Variants in TMEM168 observed in about 807,000 individuals in gnomAD.
TMEM168 encodes the protein transmembrane protein 168.
TMEM168 carries 40 observed loss-of-function variants against 53.2 expected under a neutral mutation model. That is an observed-to-expected ratio of 0.75 (90% CI 0.58 to 0.98). TMEM168 has a LOEUF of 0.98. Ranked by LOEUF, TMEM168 falls within the 50% of genes least tolerant of loss-of-function variation. TMEM168 has a pLI of 0.00. For missense variants in TMEM168, 771 were observed against 828.8 expected, an observed-to-expected ratio of 0.93 and a Z score of 0.86; for synonymous variants, 282 against 293.0, an observed-to-expected ratio of 0.96 and a Z score of 0.38.
At chr7:112,788,094 C>G (rs915598929) in intron 1 of TMEM168, among the ~76,000 whole-genome samples, 1 of 152,108 alleles carries the variant, frequency 6.6e-6, no homozygotes, top group Admixed American at 6.5e-5. Flanking sequence ...CAAACCATTC[C>G]TTTTTGCAGG....
At chr7:112,775,396 ATTT>A in intron 2 of TMEM168, 78 bp from the exon 3 acceptor site, 1 of 1,248,216 alleles carries the variant, frequency 8.0e-7, no homozygotes, top group South Asian at 1.9e-5. Context: ...ATTGATTCAC[ATTT>A]TTTAGCTTCT....
At chr7:112,778,186 C>G (rs943761825) in intron 2 of TMEM168, 1 of 152,160 alleles carries the variant, frequency 6.6e-6, no homozygotes, top group African/African-American at 2.4e-5. Flanking sequence ...CCACCCTCTT[C>G]TTTCAGTGTG....
intron 2 of TMEM168, among the ~76,000 whole-genome samples, chr7:112,777,718 T>C (rs1003905936): frequency 6.6e-6 from 1 of 152,174 alleles, no homozygotes; most frequent in Non-Finnish European, 1.5e-5. Context: ...ATTTAGTTCT[T>C]TGTAAAATCT....
intron 1 of TMEM168, among the ~76,000 whole-genome samples, chr7:112,787,388 G>T (rs1793412272): frequency 6.6e-6 from 1 of 151,780 alleles, no homozygotes; most frequent in Non-Finnish European, 1.5e-5. Context: ...TTTGGGGGGA[G>T]GGGGAAGGGG....
chr7:112,780,943 C>CAAAAAAAAAAAAAAAAAAAAAA (rs1222902089), intron 2 of TMEM168, among the ~76,000 whole-genome samples: 2 of 60,020 alleles, frequency 3.3e-5, no homozygotes, highest in African/African-American at 5.5e-5. Context: ...TGATCCGTAT[C>CAAAAAAAAAAAAAAAAAAAAAA]AAAAAAAAAA....
intron 2 of TMEM168, 54 bp from the exon 3 acceptor site, chr7:112,775,372 T>A: frequency 7.0e-7 from 1 of 1,424,740 alleles, no homozygotes. Flanking sequence ...GTGTATATAT[T>A]TACATGCATG....
Position 112,767,217 on chromosome 7 carries a change from A to T in TMEM168, c.2074T>A (p.Phe692Ile). The T allele has an allele frequency of 6.2e-7, 1 of 1,611,950 alleles. No individual in the cohort carries two copies. The highest frequency in any genetic ancestry group is 8.5e-7 in the Non-Finnish European group (1 of 1,179,152). The change falls in exon 5 of 5, where the codon TTC (phenylalanine) becomes ATC (isoleucine). Residue 692 changes from phenylalanine (F) to isoleucine (I), a missense_variant. Physicochemically the swap from Phe to Ile is conservative, Grantham distance 21 (BLOSUM62 0). Transcript: ENST00000312814. ...CCAAATTAAGATTTGACAAGTTTGA[A>T]GCCTTGTCCTGTGTCCAGCACAGTA... ...LPTVLDTGQGFKLVKS is the reference protein window; with the variant it reads ...LPTVLDTGQGIKLVKS
At chr7:112,785,413 A>G (rs1793351826) in intron 1 of TMEM168, among the ~76,000 whole-genome samples, 3 of 152,212 alleles carry the variant, frequency 2.0e-5, no homozygotes, top group African/African-American at 7.2e-5. Flanking sequence ...CGACCTGCCA[A>G]ATATCCCCTA....
At chr7:112,783,418 C>A (rs1403578934) in intron 2 of TMEM168, among the ~76,000 whole-genome samples, 1 of 152,142 alleles carries the variant, frequency 6.6e-6, no homozygotes, top group Non-Finnish European at 1.5e-5. Flanking sequence ...TGTTAGTATT[C>A]TAAGACTCTT....
chr7:112,788,378 A>T (rs1285273800), intron 1 of TMEM168: 1 of 152,246 alleles, frequency 6.6e-6, no homozygotes, highest in Non-Finnish European at 1.5e-5. Context: ...ATACCTGGAA[A>T]CAAAGTAAAT....
chr7:112,769,379 G>T (rs903253352), intron 4 of TMEM168, among the ~76,000 whole-genome samples: 1 of 151,994 alleles, frequency 6.6e-6, no homozygotes, highest in Admixed American at 6.6e-5. Flanking sequence ...CTCCATTATT[G>T]TCAGCTCTAT....
At chr7:112,789,963 G>A (rs1013049540) in intron 1 of TMEM168, among the ~76,000 whole-genome samples, 197 bp downstream of exon 1, 3 of 152,200 alleles carry the variant, frequency 2.0e-5, no homozygotes, top group African/African-American at 7.2e-5. Flanking sequence ...CAGTTGAGGG[G>A]GAACCCTTGC....
intron 2 of TMEM168, among the ~76,000 whole-genome samples, chr7:112,782,046 C>A (rs1420533424): frequency 6.6e-6 from 1 of 152,132 alleles, no homozygotes; most frequent in Non-Finnish European, 1.5e-5. Context: ...AGACAAATAA[C>A]CTCAGCTTTA....
At position 112,767,518 on chromosome 7, in the gene TMEM168, G is replaced by C. The variant is rs769231642; in HGVS notation, c.1773C>G (p.Asp591Glu). Reference protein sequence around the residue: ...DPPQLGDFTKDWVEYNCNSSN... With the variant: ...DPPQLGDFTKEWVEYNCNSSN... ...TGGAGTTGCAGTTATATTCTACCCA[G>C]TCTTTTGTAAAGTCACCTAGCTGTG... is the stretch of plus-strand genomic sequence containing the variant. The change falls in exon 5 of 5, where the codon GAC (aspartate) becomes GAG (glutamate). Residue 591 changes from aspartate (D) to glutamate (E), a missense_variant. Physicochemically the swap from Asp to Glu is conservative, Grantham distance 45. Transcript: ENST00000312814. 3 of 1,614,090 alleles carry C rather than the reference G, an allele frequency of 1.9e-6. No homozygotes were observed.
At position 112,783,875 on chromosome 7, in the gene TMEM168, C is replaced by T. The variant is rs999541627; in HGVS notation, c.951G>A (p.Trp317Ter). 1 of 1,600,714 alleles carries T rather than the reference C, an allele frequency of 6.2e-7. No individual in the cohort carries two copies. The highest frequency in any genetic ancestry group is 1.4e-5 in the African/African-American group (1 of 73,800). The stretch of plus-strand genomic sequence containing the variant: ...AGTCATTTAATTTGGTATGGAATCC[C>T]CAAAGAGTTAAAAGAAAAATAATAT... ...ICHIIFLLTL[W>*]GFHTKLNDCH... is the part of the protein sequence containing the mutation. The change falls in exon 2 of 5, where the codon TGG becomes TGA. Residue 317 changes from tryptophan to a stop codon, truncating the protein, a stop_gained. Transcript: ENST00000312814. LOFTEE classifies it high-confidence loss of function.
rs1793309792 is a variant in TMEM168, at chr7:112,784,179, G to A, written c.647C>T (p.Ser216Leu). ...VIFAVLLFFSSLETPKNPIAF... is the reference protein window; with the variant it reads ...VIFAVLLFFSLLETPKNPIAF... ...AATCGGATTTTTGGGAGTTTCCAAT[G>A]AGGAAAAAAATAACAAAACTGCAAA... The change falls in exon 2 of 5, where the codon TCA becomes TTA. Residue 216 changes from serine (S) to leucine (L), a missense_variant. Physicochemically the swap from Ser to Leu is moderately radical, Grantham distance 145. Coordinates refer to ENST00000312814, the MANE Select transcript of TMEM168 (RefSeq NM_022484.6). 3 of 1,613,782 alleles carry A rather than the reference G, an allele frequency of 1.9e-6. No individual in the cohort carries two copies. The highest frequency in any genetic ancestry group is 2.5e-6 in the Non-Finnish European group (3 of 1,179,936).
In TMEM168 at chr7:112,767,238, C is replaced by G; in HGVS notation, c.2053G>C (p.Val685Leu). The G allele has an allele frequency of 1.2e-6, 2 of 1,614,052 alleles. No homozygotes were observed. Among genetic ancestry groups the G allele is most frequent in the Non-Finnish European group, 8.5e-7 (1 of 1,179,970 alleles). Residue 685 changes from valine (V) to leucine (L), a missense_variant, in exon 5 of 5, where the codon GTG becomes CTG. Val to Leu is a conservative substitution (Grantham distance 32, BLOSUM62 1). Transcript: ENST00000312814. ...RLKMSWFLPT[V>L]LDTGQGFKLV... is the part of the protein sequence containing the mutation. ...TTGAAGCCTTGTCCTGTGTCCAGCA[C>G]AGTAGGAAGAAACCAACTCATTTTT...
intron 1 of TMEM168, chr7:112,788,453 C>T (rs527536331): frequency 6.6e-6 from 1 of 152,276 alleles, no homozygotes; most frequent in Admixed American, 6.5e-5. Flanking sequence ...TATGCAGTTA[C>T]CTTCCTATGG....
chr7:112,780,490 T>G (rs1793197743), intron 2 of TMEM168, among the ~76,000 whole-genome samples: 1 of 152,192 alleles, frequency 6.6e-6, no homozygotes, highest in Non-Finnish European at 1.5e-5. Flanking sequence ...AATGGGATAT[T>G]GCTCACAATA....
Sources: gnomAD v4.1 joint callset for allele counts (sites outside exome capture counted in the v4.1 genomes callset) on GRCh38, gnomAD v4.1.1 for gene constraint, MANE v1.5 for transcripts, NCBI Gene and HGNC (gene_info 2026-07-23, HGNC 2026-07-21) for gene names.